The following FRRS1L variants were observed in gnomAD, a reference collection of about 807,000 sequenced individuals.
FRRS1L encodes DOMON domain-containing protein FRRS1L.
In FRRS1L, 22 loss-of-function variants were observed where a neutral mutation model predicts 28.6. The ratio of observed to expected loss-of-function variants is 0.77; its 90% CI spans 0.55 to 1.10. FRRS1L has a LOEUF of 1.10. Among genes scored for constraint, FRRS1L ranks in the 50% least tolerant of loss-of-function variants. FRRS1L has a pLI of 0.00. For synonymous variants in FRRS1L, 158 were observed against 151.4 expected, an observed-to-expected ratio of 1.04 and a Z score of -0.32; for missense variants, 380 against 386.9, an observed-to-expected ratio of 0.98 and a Z score of 0.15.
chr9:109,141,260 G>A, intron 4 of FRRS1L, 83 bp downstream of exon 4: 1 of 1,489,400 alleles, frequency 6.7e-7, no homozygotes, highest in Non-Finnish European at 9.3e-7. Flanking sequence ...GCTCTCTTGT[G>A]CACACAGTGT....
Position 109,134,624 on chromosome 9 carries a change from C to G in FRRS1L, c.*2831G>C, listed in dbSNP as rs746215994. The G allele has an allele frequency of 6.6e-6, 1 of 152,134 alleles. No individual in the cohort carries two copies. The highest frequency in any genetic ancestry group is 2.4e-5 in the African/African-American group (1 of 41,416). The allele number at this position is 152,134 out of a possible 1,614,324, so 9.4% of individuals were successfully genotyped here. A position where few individuals can be genotyped will look rare whatever the true frequency, so the allele number is the denominator to read the frequency against. On this transcript the variant is annotated 3_prime_UTR_variant, in exon 5 of 5. Coordinates refer to ENST00000561981, the MANE Select transcript of FRRS1L (RefSeq NM_014334.4). The stretch of plus-strand genomic sequence containing the variant: ...TTTTACCTTAATGGCACTGAGAAGT[C>G]ATTGAAAGTTCTAAGCATAAATAAG...
chr9:109,147,016 G>GA (rs1243164750), intron 3 of FRRS1L, 35 bp downstream of exon 3: 4 of 1,602,152 alleles, frequency 2.5e-6, no homozygotes, highest in East Asian at 2.2e-5. Flanking sequence ...CAACTAAAGA[G>GA]AAAAAATCAG....
intron 1 of FRRS1L, among the ~76,000 whole-genome samples, chr9:109,165,523 C>G (rs1175165183): frequency 1.3e-5 from 2 of 152,236 alleles, no homozygotes; most frequent in Non-Finnish European, 2.9e-5. Context: ...GAAAAATAAA[C>G]TAGCTTATTT....
At chr9:109,152,373 C>T (rs1168456346) in intron 1 of FRRS1L, among the ~76,000 whole-genome samples, 2 of 151,996 alleles carry the variant, frequency 1.3e-5, no homozygotes, top group African/African-American at 4.8e-5. Flanking sequence ...TGGTCTCGAA[C>T]TGCTGACCTC....
At chr9:109,154,978 A>C (rs1004355028) in intron 1 of FRRS1L, among the ~76,000 whole-genome samples, 3 of 152,192 alleles carry the variant, frequency 2.0e-5, no homozygotes, top group Non-Finnish European at 4.4e-5. Context: ...ATCATCCTGA[A>C]ACTCTTGCAT....
At chr9:109,145,794 A>G (rs1192381892) in intron 3 of FRRS1L, among the ~76,000 whole-genome samples, 1 of 152,160 alleles carries the variant, frequency 6.6e-6, no homozygotes, top group Non-Finnish European at 1.5e-5. Flanking sequence ...GAAGGGTAGC[A>G]CACCCAACAG....
chr9:109,164,938 T>C (rs1831528584), intron 1 of FRRS1L, among the ~76,000 whole-genome samples: 1 of 152,226 alleles, frequency 6.6e-6, no homozygotes, highest in South Asian at 2.1e-4. Context: ...GCCCACCTGA[T>C]GTCCACATTC....
At chr9:109,163,284 C>T (rs1174929969) in intron 1 of FRRS1L, among the ~76,000 whole-genome samples, 2 of 152,170 alleles carry the variant, frequency 1.3e-5, no homozygotes, top group Non-Finnish European at 2.9e-5. Context: ...GATTCAAGCA[C>T]TAAGATCCTA....
chr9:109,149,467 G>GCCTTTAAGA (rs1177199416), intron 2 of FRRS1L, among the ~76,000 whole-genome samples, 169 bp downstream of exon 2: 1 of 152,188 alleles, frequency 6.6e-6, no homozygotes, highest in Non-Finnish European at 1.5e-5. Flanking sequence ...AAGTTAAAAG[G>GCCTTTAAGA]CCTTTAAGAC....
At position 109,167,238 on chromosome 9, in the gene FRRS1L, C is replaced by CCGCGCAGCCGCGGAGCCT. The variant is rs1831570580; in HGVS notation, c.-101_-100insAGGCTCCGCGGCTGCGCG. ...CTCCGCCGAGGCCACCAGCACGCGC[C>CCGCGCAGCCGCGGAGCCT]CGCGCAGCCGCGGAGCCTCCCGCAC... On this transcript the variant is annotated 5_prime_UTR_variant, in exon 1 of 5. Coordinates refer to ENST00000561981, the MANE Select transcript of FRRS1L (RefSeq NM_014334.4). 2 of 1,386,518 alleles carry CCGCGCAGCCGCGGAGCCT rather than the reference C, an allele frequency of 1.4e-6. No homozygotes were observed. Among genetic ancestry groups the CCGCGCAGCCGCGGAGCCT allele is most frequent in the African/African-American group, 1.5e-5 (1 of 66,876 alleles). The allele number at this position is 1,386,518 out of a possible 1,614,324, so 85.9% of individuals were successfully genotyped here.
chr9:109,143,922 C>T (rs1831221532), intron 3 of FRRS1L, among the ~76,000 whole-genome samples: 1 of 151,834 alleles, frequency 6.6e-6, no homozygotes, highest in Admixed American at 6.6e-5. Flanking sequence ...TGGAATAATA[C>T]AAGAAAAAAA....
At chr9:109,143,515 C>CT (rs1211818637) in intron 3 of FRRS1L, among the ~76,000 whole-genome samples, 1 of 62,184 alleles carries the variant, frequency 1.6e-5, no homozygotes, top group East Asian at 4.3e-4. Flanking sequence ...CAATAATGCA[C>CT]CTTTTTTTTT....
rs2118523255 is a variant in FRRS1L, at chr9:109,167,016, T to G, written c.123A>C (p.Gly41=). The part of the protein sequence containing the change: ...ADDGAGPGGR[G]PRGRARGDTG... ...TGTCCCCCCGCGCGCGTCCCCGGGG[T>G]CCCCGGCCCCCCGGGCCCGCACCGT... Residue 41 remains glycine (G), a synonymous_variant, in exon 1 of 5, where the codon GGA becomes GGC. Coordinates refer to ENST00000561981, the MANE Select transcript of FRRS1L (RefSeq NM_014334.4). 18 of 1,207,718 alleles carry G rather than the reference T, an allele frequency of 1.5e-5. No individual in the cohort carries two copies. Among genetic ancestry groups the G allele is most frequent in the East Asian group, 1.1e-4 (3 of 28,212 alleles). 74.8% of individuals were successfully genotyped at this position (1,207,718 alleles called of 1,614,324 possible).
Position 109,134,899 on chromosome 9 carries a change from G to A in FRRS1L, c.*2556C>T, listed in dbSNP as rs1831095514. 2 of 152,212 alleles carry A rather than the reference G, an allele frequency of 1.3e-5. No individual in the cohort carries two copies. Among genetic ancestry groups the A allele is most frequent in the Non-Finnish European group, 2.9e-5 (2 of 68,042 alleles). 9.4% of individuals were successfully genotyped at this position (152,212 alleles called of 1,614,324 possible). On this transcript the variant is annotated 3_prime_UTR_variant, in exon 5 of 5. Transcript: ENST00000561981. ...TCACTACTAAACAGCCACTAGAGCT[G>A]AGAAGATGAGACACAGGCCAGACTT... is the stretch of plus-strand genomic sequence containing the variant.
At chr9:109,140,643 G>T (rs1006632647) in intron 4 of FRRS1L, 5 of 152,130 alleles carry the variant, frequency 3.3e-5, no homozygotes, top group African/African-American at 4.8e-5. Context: ...CTAATGAAAT[G>T]CTTGGTGTCA....
chr9:109,148,846 TAAG>T (rs1241680408), intron 2 of FRRS1L, among the ~76,000 whole-genome samples: 1 of 152,108 alleles, frequency 6.6e-6, no homozygotes, highest in Admixed American at 6.6e-5. Context: ...TCTTCCTCAA[TAAG>T]AACATTTTTG....
intron 3 of FRRS1L, among the ~76,000 whole-genome samples, chr9:109,142,787 A>AT (rs2118471543): frequency 6.6e-6 from 1 of 151,564 alleles, no homozygotes; most frequent in African/African-American, 2.4e-5. Flanking sequence ...AGCTTGGGCA[A>AT]TAGGGTGAGA....
At chr9:109,152,123 T>C (rs1831336984) in intron 1 of FRRS1L, 1 of 152,076 alleles carries the variant, frequency 6.6e-6, no homozygotes, top group Non-Finnish European at 1.5e-5. Context: ...GCTCAATAAA[T>C]ACCAGTTACT....
In FRRS1L at chr9:109,149,662, G is replaced by A; in HGVS notation, c.297C>T (p.Asp99=). The A allele has an allele frequency of 6.2e-7, 1 of 1,613,330 alleles. No individual in the cohort carries two copies. The highest frequency in any genetic ancestry group is 8.5e-7 in the Non-Finnish European group (1 of 1,179,282). The change falls in exon 2 of 5, where the codon GAC becomes GAT. Residue 99 remains aspartate (D), a synonymous_variant. Coordinates refer to ENST00000561981, the MANE Select transcript of FRRS1L (RefSeq NM_014334.4). The part of the protein sequence containing the change: ...VDPFAKIKVD[D]CGKTKGCFRY... ...TAAAGCATCCCTTAGTTTTTCCACA[G>A]TCGTCCACTTTGATTTTGGCAAATG...
Sources: allele counts gnomAD v4.1 joint callset (sites outside exome capture counted in the v4.1 genomes callset), GRCh38; gene constraint gnomAD v4.1.1; transcripts MANE v1.5; gene names NCBI Gene and HGNC (gene_info 2026-07-23, HGNC 2026-07-21).